Variants in HCRTR2 observed in about 807,000 individuals in gnomAD.
HCRTR2 encodes hypocretin receptor 2.
A neutral mutation model predicts 49.0 loss-of-function variants in HCRTR2; 22 were observed. The ratio of observed to expected loss-of-function variants is 0.45; its 90% confidence interval spans 0.32 to 0.64. The LOEUF is 0.64. HCRTR2 is among the 30% of genes least tolerant of loss of function. HCRTR2 has a pLI of 0.04. For missense variants in HCRTR2, 491 were observed against 559.4 expected (o/e 0.88, Z 1.23); for synonymous variants, 236 against 205.3 (o/e 1.15, Z -1.28).
chr6:55,269,484 C>A (rs1766930484), intron 4 of HCRTR2, among the ~76,000 whole-genome samples: 1 of 151,930 alleles, frequency 6.6e-6, no homozygotes, highest in Non-Finnish European at 1.5e-5. Context: ...CAAAAAAATA[C>A]ATTAGAACAA....
intron 1 of HCRTR2, among the ~76,000 whole-genome samples, chr6:55,140,077 T>C (rs1440741707): frequency 2.0e-5 from 3 of 152,188 alleles, no homozygotes; most frequent in Non-Finnish European, 4.4e-5. Context: ...TGGATATTAT[T>C]CCTGGGCACC....
chr6:55,126,268 G>A (rs1192589234), intron 1 of HCRTR2, among the ~76,000 whole-genome samples: 1 of 152,030 alleles, frequency 6.6e-6, no homozygotes, highest in African/African-American at 2.4e-5. Context: ...TCTACCTTTG[G>A]TCTTTGATGT....
chr6:55,153,771 CA>C, intron 1 of HCRTR2, among the ~76,000 whole-genome samples: 1 of 151,402 alleles, frequency 6.6e-6, no homozygotes, highest in Non-Finnish European at 1.5e-5. Flanking sequence ...ACCAAGTTAG[CA>C]GAAGAAAGAC....
intron 1 of HCRTR2, among the ~76,000 whole-genome samples, chr6:55,130,918 G>C (rs780940777): frequency 5.9e-5 from 9 of 151,832 alleles, no homozygotes; most frequent in Non-Finnish European, 1.3e-4. Context: ...GATTGCTTGA[G>C]ATTCATGAAT....
chr6:55,231,949 C>T (rs1425262684), intron 1 of HCRTR2, among the ~76,000 whole-genome samples: 3 of 152,274 alleles, frequency 2.0e-5, no homozygotes, highest in Admixed American at 2.0e-4. Flanking sequence ...ATCCACCTCA[C>T]TCCTCCTGCT....
In HCRTR2 at chr6:55,277,463, G is replaced by C. The variant is rs12111299; in HGVS notation, c.846G>C (p.Thr282=). 1.2e-6 allele frequency: 2 copies of C among 1,613,948 alleles called. No homozygotes were observed. The highest frequency in any genetic ancestry group is 1.7e-6 in the Non-Finnish European group (2 of 1,180,006). ...AGCCTCGAGGGCCAGGACAGCCAAC[G>C]AAGTCCCGGATGAGCGCTGTGGCGG... ...VSQPRGPGQP[T]KSRMSAVAAE... Residue 282 remains threonine (T), a synonymous_variant, in exon 5 of 7, where the codon ACG becomes ACC. Coordinates refer to ENST00000370862, the MANE Select transcript of HCRTR2 (RefSeq NM_001384272.1).
chr6:55,179,687 A>G (rs1765098697), intron 1 of HCRTR2, among the ~76,000 whole-genome samples: 1 of 152,212 alleles, frequency 6.6e-6, no homozygotes, highest in Admixed American at 6.5e-5. Flanking sequence ...CAAGAGACCA[A>G]ATCTAAAACT....
intron 1 of HCRTR2, among the ~76,000 whole-genome samples, chr6:55,161,656 C>T (rs1275312023): frequency 6.6e-6 from 1 of 152,130 alleles, no homozygotes; most frequent in Non-Finnish European, 1.5e-5. Flanking sequence ...GGGAGATCAT[C>T]ACTGATCCCA....
chr6:55,265,335 A>C (rs1766842126), intron 4 of HCRTR2, among the ~76,000 whole-genome samples: 2 of 151,966 alleles, frequency 1.3e-5, no homozygotes, highest in South Asian at 2.1e-4. Context: ...CTAGGTTATT[A>C]TTCTTCTATT....
At chr6:55,141,010 C>G (rs7762218) in intron 1 of HCRTR2, among the ~76,000 whole-genome samples, 5,534 of 152,056 alleles carry the variant, frequency 0.036, 329 homozygotes, top group African/African-American at 0.12. Flanking sequence ...ATTTATTGAT[C>G]ATATATCAAG....
In HCRTR2 at chr6:55,174,864, G is replaced by T. The variant is rs1031806769; in HGVS notation, c.223+54G>T. 7.6e-6 allele frequency: 11 copies of T among 1,447,524 alleles called. No homozygotes were observed. The African/African-American group carries it at 1.5e-4, about 20-fold the overall frequency. 89.7% of individuals were successfully genotyped at this position (1,447,524 alleles called of 1,614,324 possible). A position where few individuals can be genotyped will look rare whatever the true frequency, so the allele number is the denominator to read the frequency against. ...GGGGCTATCACCCCCTCTCCGCCCC[G>T]GGCTGAGAAGGCTCTAAAGAGACCC... On this transcript the variant is annotated intron_variant, in intron 1 of 6. Coordinates refer to ENST00000370862, the MANE Select transcript of HCRTR2 (RefSeq NM_001384272.1).
chr6:55,123,385 A>T (rs1022787699), intron 1 of HCRTR2, among the ~76,000 whole-genome samples: 1 of 152,042 alleles, frequency 6.6e-6, no homozygotes, highest in East Asian at 1.9e-4. Flanking sequence ...TGAGATAATC[A>T]TGTGGTTTTT....
chr6:55,278,752 ATTATTT>A lies in HCRTR2; in HGVS notation c.983+1155_983+1160del, dbSNP rs1484026519. On this transcript the variant is annotated intron_variant, in intron 5 of 6. Transcript: ENST00000370862. ...AATTATTATTATTATTATTATTATT[ATTATTT>A]TTGCTAACAGAAATTTAATACAAAT... Among the ~76,000 whole-genome samples the A allele has an allele frequency of 4.6e-3, 674 of 146,616 alleles. 3 individuals are homozygous for A. The highest frequency in any genetic ancestry group is 0.014 in the African/African-American group (554 of 39,768).
chr6:55,256,870 C>T (rs1278063249), intron 3 of HCRTR2, among the ~76,000 whole-genome samples: 1 of 151,954 alleles, frequency 6.6e-6, no homozygotes, highest in African/African-American at 2.4e-5. Context: ...TAATAAGGCT[C>T]AAAGGCCAAT....
At chr6:55,210,164 G>A (rs945603013) in intron 1 of HCRTR2, among the ~76,000 whole-genome samples, 2 of 151,924 alleles carry the variant, frequency 1.3e-5, no homozygotes, top group Admixed American at 6.6e-5. Flanking sequence ...TATATAAAAA[G>A]GATTATTAGA....
chr6:55,164,338 G>C (rs142460795), intron 1 of HCRTR2, among the ~76,000 whole-genome samples: 4 of 152,026 alleles, frequency 2.6e-5, no homozygotes, highest in Non-Finnish European at 4.4e-5. Context: ...TGTTTATTGT[G>C]GCACTATTAA....
intron 1 of HCRTR2, among the ~76,000 whole-genome samples, chr6:55,152,330 G>T (rs1252245012): frequency 6.6e-6 from 1 of 151,854 alleles, no homozygotes; most frequent in African/African-American, 2.4e-5. Context: ...GTGATTAGAA[G>T]TGTTGAGGAT....
intron 1 of HCRTR2, among the ~76,000 whole-genome samples, chr6:55,234,359 A>C (rs1766174864): frequency 6.6e-6 from 1 of 152,176 alleles, no homozygotes; most frequent in East Asian, 1.9e-4. Context: ...AAAATGACAC[A>C]TACAATTTAA....
At chr6:55,263,906 GC>G in intron 4 of HCRTR2, 84 bp downstream of exon 4, 2 of 894,264 alleles carry the variant, frequency 2.2e-6, no homozygotes, top group South Asian at 2.8e-5. Context: ...TTTTGTCTGT[GC>G]TTTTTTTTTA....
Sources: gnomAD v4.1 joint callset for allele counts (sites outside exome capture counted in the v4.1 genomes callset) on GRCh38, gnomAD v4.1.1 for gene constraint, MANE v1.5 for transcripts, NCBI Gene and HGNC (gene_info 2026-07-23, HGNC 2026-07-21) for gene names.